NDUFV2: variants seen among roughly 807,000 people sequenced by gnomAD.
NDUFV2 encodes the protein NADH dehydrogenase [ubiquinone] flavoprotein 2, mitochondrial.
In NDUFV2, 18 loss-of-function variants were observed where a neutral mutation model predicts 31.6. That is an observed-to-expected ratio of 0.57 (90% CI 0.39 to 0.84). The LOEUF is 0.84. Ranked by LOEUF, NDUFV2 falls within the 40% of genes least tolerant of loss-of-function variation. The pLI, the probability that NDUFV2 is intolerant of heterozygous loss-of-function variation, is 0.00. For missense variants in NDUFV2, 314 were observed against 303.6 expected (o/e 1.03, Z -0.26); for synonymous variants, 83 against 99.8 (o/e 0.83, Z 1.01).
Position 9,103,405 on chromosome 18 carries a change from A to G in NDUFV2, c.54+608A>G, listed in dbSNP as rs146079647. The G allele has an allele frequency of 9.8e-4, 335 of 340,774 alleles. 1 individual carries two copies. Among genetic ancestry groups the G allele is most frequent in the South Asian group, 3.5e-3 (23 of 6,512 alleles). 21.1% of individuals were successfully genotyped at this position (340,774 alleles called of 1,614,324 possible). On this transcript the variant is annotated intron_variant, in intron 1 of 7. Coordinates refer to ENST00000318388, the MANE Select transcript of NDUFV2 (RefSeq NM_021074.5). ...ACCACAGGATTTTAGAGATTAAATG[A>G]TCTTTTTGAGATCCAAGTACATCTC...
At chr18:9,125,397 AT>A (rs1169103323) in intron 6 of NDUFV2, among the ~76,000 whole-genome samples, 2 of 152,116 alleles carry the variant, frequency 1.3e-5, no homozygotes, top group Non-Finnish European at 2.9e-5. Flanking sequence ...ATTATCATAA[AT>A]TGTGTCTATA....
rs772693645 is a variant in NDUFV2 at position 9,134,193 on chromosome 18, C to T, written c.664C>T (p.Arg222Cys). Residue 222 changes from arginine to cysteine, a missense_variant, in exon 8 of 8, where the codon CGC (arginine) becomes TGC (cysteine). Transcript: ENST00000318388. ...KIPKPGPRSG[R>C]FSCEPAGGLT... is the part of the protein sequence containing the mutation. ...TATTACTTTTCATTTCAGGAGTGGA[C>T]GCTTCTCTTGTGAGCCAGCTGGAGG... 9.9e-6 allele frequency: 16 copies of T among 1,612,692 alleles called. No individual in the cohort carries two copies. Among genetic ancestry groups the T allele is most frequent in the South Asian group, 3.3e-5 (3 of 91,042 alleles).
At chr18:9,124,468 A>C (rs1201350584) in intron 5 of NDUFV2, among the ~76,000 whole-genome samples, 3 of 98,360 alleles carry the variant, frequency 3.1e-5, no homozygotes, top group African/African-American at 1.2e-4. Context: ...TTTTTTTTGG[A>C]GATGGAGTCT....
rs144576039 is a variant in NDUFV2, at chr18:9,103,848, AATG to A, written c.54+1054_54+1056del. ...AGCTCTAGTTAACAGTGTGGATAAT[AATG>A]ATAGTCATTTGATAACTGTTTTCTG... On this transcript the variant is annotated intron_variant, in intron 1 of 7. Transcript: ENST00000318388. The A allele has an allele frequency of 5.0e-3, 1,430 of 284,346 alleles. 21 individuals carry two copies. The highest frequency in any genetic ancestry group is 0.029 in the African/African-American group (1,350 of 46,038). 17.6% of individuals were successfully genotyped at this position (284,346 alleles called of 1,614,324 possible).
chr18:9,130,377 A>G (rs186411534), intron 7 of NDUFV2, among the ~76,000 whole-genome samples: 18 of 152,332 alleles, frequency 1.2e-4, no homozygotes, highest in African/African-American at 3.6e-4. Context: ...TTTTCTTGAC[A>G]GTGTTCTGGA....
intron 6 of NDUFV2, among the ~76,000 whole-genome samples, chr18:9,125,965 ACT>A (rs1460572328): frequency 3.9e-5 from 6 of 151,924 alleles, no homozygotes; most frequent in Non-Finnish European, 8.8e-5. Flanking sequence ...CTCTTGTTAG[ACT>A]CTCTGGGGCT....
At chr18:9,126,303 TA>T (rs2077990252) in intron 6 of NDUFV2, among the ~76,000 whole-genome samples, 1 of 152,244 alleles carries the variant, frequency 6.6e-6, no homozygotes, top group Non-Finnish European at 1.5e-5. Context: ...ATTTAGTATG[TA>T]CGTTGACACT....
chr18:9,104,423 C>T (rs934094576), intron 1 of NDUFV2, among the ~76,000 whole-genome samples: 1 of 152,040 alleles, frequency 6.6e-6, no homozygotes. Flanking sequence ...GATTTGGACC[C>T]AGAAACAGGG....
At chr18:9,116,469 A>G (rs537793933) in intron 1 of NDUFV2, among the ~76,000 whole-genome samples, 28 of 152,322 alleles carry the variant, frequency 1.8e-4, no homozygotes, top group Non-Finnish European at 3.5e-4. Flanking sequence ...GATGACAGTG[A>G]CTGTCTTCTA....
intron 1 of NDUFV2, chr18:9,103,292 C>T (rs897053879): frequency 5.3e-5 from 21 of 396,500 alleles, no homozygotes; most frequent in African/African-American, 4.3e-4. Context: ...TGCAGTTGTG[C>T]TTTGCATATC....
chr18:9,129,479 T>C (rs1195144985), intron 7 of NDUFV2, among the ~76,000 whole-genome samples: 1 of 152,228 alleles, frequency 6.6e-6, no homozygotes. Flanking sequence ...AGTTCTCATA[T>C]ATCTTCTAGT....
At chr18:9,132,886 A>G (rs1383446734) in intron 7 of NDUFV2, among the ~76,000 whole-genome samples, 2 of 152,198 alleles carry the variant, frequency 1.3e-5, no homozygotes, top group African/African-American at 4.8e-5. Context: ...AAAATAATAA[A>G]TAAATTTAAA....
chr18:9,113,845 G>C (rs1455553421), intron 1 of NDUFV2, among the ~76,000 whole-genome samples: 2 of 152,106 alleles, frequency 1.3e-5, no homozygotes, highest in Non-Finnish European at 2.9e-5. Flanking sequence ...TTGCTCACTT[G>C]GGGAGCTCGG....
At chr18:9,132,371 TAAC>T (rs2078047563) in intron 7 of NDUFV2, 2 of 152,322 alleles carry the variant, frequency 1.3e-5, no homozygotes, top group African/African-American at 4.8e-5. Context: ...GGCTTTAAGA[TAAC>T]AAATGCTCAG....
At position 9,115,395 on chromosome 18, in the gene NDUFV2, T is replaced by G. The variant is rs572109854; in HGVS notation, c.55-2443T>G. On this transcript the variant is annotated intron_variant, in intron 1 of 7. Coordinates refer to ENST00000318388, the MANE Select transcript of NDUFV2 (RefSeq NM_021074.5). ...ACATATTTTTGTTAGCTACATAACGTTCTAGTGTCAGAATTATTAGTATTT... is the reference window on the plus strand; with the variant it reads ...ACATATTTTTGTTAGCTACATAACGGTCTAGTGTCAGAATTATTAGTATTT... 9.2e-4 allele frequency among the ~76,000 whole-genome samples: 140 copies of G among 152,310 alleles called. No homozygotes were observed. The South Asian group carries it at 0.027, about 30-fold the overall frequency.
At chr18:9,107,014 G>C (rs2077845226) in intron 1 of NDUFV2, among the ~76,000 whole-genome samples, 2 of 152,064 alleles carry the variant, frequency 1.3e-5, no homozygotes, top group Admixed American at 1.3e-4. Flanking sequence ...CCTATTTTAA[G>C]GTCGGCTGAT....
intron 1 of NDUFV2, chr18:9,104,866 T>A: frequency 7.0e-7 from 1 of 1,430,440 alleles, no homozygotes; most frequent in Non-Finnish European, 9.4e-7. Context: ...TAGAGTAAGC[T>A]CAAAAAATAA....
At chr18:9,125,017 A>G (rs576758945) in intron 6 of NDUFV2, 34 bp downstream of exon 6, 2 of 1,593,780 alleles carry the variant, frequency 1.3e-6, no homozygotes, top group African/African-American at 1.3e-5. Context: ...TTAAAGTTGT[A>G]TGATGTCATA....
At chr18:9,129,773 G>A (rs2078023881) in intron 7 of NDUFV2, among the ~76,000 whole-genome samples, 1 of 152,118 alleles carries the variant, frequency 6.6e-6, no homozygotes. Flanking sequence ...CAGTGGAAGG[G>A]GTCAGAGGAG....
Sources: allele counts gnomAD v4.1 joint callset (sites outside exome capture counted in the v4.1 genomes callset), GRCh38; gene constraint gnomAD v4.1.1; transcripts MANE v1.5; gene names NCBI Gene and HGNC (gene_info 2026-07-23, HGNC 2026-07-21).